NAALADL2: variants seen among roughly 807,000 people sequenced by gnomAD.
NAALADL2 encodes inactive N-acetylated-alpha-linked acidic dipeptidase-like protein 2.
Under a neutral mutation model 87.2 loss-of-function variants are expected in NAALADL2, and 76 were observed. The observed-to-expected ratio is 0.87, with a 90% confidence interval of 0.72 to 1.05. NAALADL2 has a LOEUF of 1.05. NAALADL2 is among the 50% of genes least tolerant of loss of function. NAALADL2 has a pLI of 0.00. For synonymous variants in NAALADL2, 354 were observed against 331.0 expected, an observed-to-expected ratio of 1.07 and a Z score of -0.75; for missense variants, 1,089 against 945.8, an observed-to-expected ratio of 1.15 and a Z score of -1.99.
chr3:174,835,759 A>G (rs938768909), intron 3 of NAALADL2, among the ~76,000 whole-genome samples: 1 of 152,322 alleles, frequency 6.6e-6, no homozygotes, highest in East Asian at 1.9e-4. Flanking sequence ...AAGATACTCA[A>G]CATCCCTAAT....
chr3:175,034,022 G>T lies in NAALADL2; in HGVS notation c.44-62768G>T, dbSNP rs576170977. Among the ~76,000 whole-genome samples the T allele has an allele frequency of 5.3e-5, 8 of 152,224 alleles. No individual in the cohort carries two copies. The East Asian group carries it at 1.5e-3, about 29-fold the overall frequency. On this transcript the variant is annotated intron_variant, in intron 1 of 13. Transcript: ENST00000454872. ...TCTTCTTGTAGTCTTCTCCGTTTCA[G>T]AATATCCACGCTTCTTGATTCTCAA...
At chr3:174,597,486 C>A (rs1162568042) in intron 2 of NAALADL2, among the ~76,000 whole-genome samples, 3 of 152,200 alleles carry the variant, frequency 2.0e-5, no homozygotes, top group South Asian at 2.1e-4. Context: ...AAAGGGCCAA[C>A]CTTGCAAGCA....
intron 5 of NAALADL2, among the ~76,000 whole-genome samples, chr3:175,393,280 C>CAAA (rs775778803): frequency 0.016 from 466 of 29,528 alleles, 149 homozygotes; most frequent in African/African-American, 0.036. Flanking sequence ...GACTCCGTCT[C>CAAA]AAAAAAAAAA....
chr3:174,885,492 T>C (rs982252871), intron 1 of NAALADL2, among the ~76,000 whole-genome samples: 2 of 152,130 alleles, frequency 1.3e-5, no homozygotes, highest in Admixed American at 1.3e-4. Context: ...GTCACTAAAC[T>C]CCTTGCCTCC....
At chr3:174,771,319 G>T (rs1022697815) in intron 3 of NAALADL2, among the ~76,000 whole-genome samples, 1 of 152,128 alleles carries the variant, frequency 6.6e-6, no homozygotes, top group African/African-American at 2.4e-5. Flanking sequence ...GTTAGGTAAG[G>T]CTTCAAGCTA....
At chr3:174,828,579 C>T (rs1023308083) in intron 3 of NAALADL2, among the ~76,000 whole-genome samples, 2 of 152,074 alleles carry the variant, frequency 1.3e-5, no homozygotes, top group Non-Finnish European at 2.9e-5. Context: ...CAAAACAAAA[C>T]AAAAACACGA....
At chr3:175,049,435 C>A (rs1195402946) in intron 1 of NAALADL2, among the ~76,000 whole-genome samples, 1 of 152,080 alleles carries the variant, frequency 6.6e-6, no homozygotes, top group Non-Finnish European at 1.5e-5. Flanking sequence ...AACAGAAAAC[C>A]TGTGTATAGA....
At chr3:174,476,359 A>G (rs898631483) in intron 1 of NAALADL2, among the ~76,000 whole-genome samples, 2 of 151,376 alleles carry the variant, frequency 1.3e-5, no homozygotes, top group African/African-American at 4.8e-5. Flanking sequence ...ATCAGTTATG[A>G]TATGTTCCTG....
At chr3:175,169,008 C>G (rs889598994) in intron 2 of NAALADL2, among the ~76,000 whole-genome samples, 1 of 151,388 alleles carries the variant, frequency 6.6e-6, no homozygotes, top group Non-Finnish European at 1.5e-5. Context: ...TGTGGATCAT[C>G]CAGATTAATT....
chr3:175,353,093 T>A (rs1763953855), intron 5 of NAALADL2, among the ~76,000 whole-genome samples: 1 of 150,670 alleles, frequency 6.6e-6, no homozygotes, highest in Non-Finnish European at 1.5e-5. Context: ...TTTATTCAAA[T>A]ATCCATTTAA....
intron 1 of NAALADL2, among the ~76,000 whole-genome samples, chr3:174,447,185 C>A (rs910323015): frequency 1.3e-5 from 2 of 152,096 alleles, no homozygotes; most frequent in Admixed American, 1.3e-4. Context: ...TGTAATATGT[C>A]ATAGTTTGAA....
chr3:174,454,374 C>T (rs1162207464), intron 1 of NAALADL2, among the ~76,000 whole-genome samples: 2 of 152,114 alleles, frequency 1.3e-5, no homozygotes, highest in African/African-American at 2.4e-5. Flanking sequence ...AAACTCAGCA[C>T]TGGATCAAAT....
intron 9 of NAALADL2, among the ~76,000 whole-genome samples, chr3:175,475,708 G>T (rs1014160176): frequency 2.6e-5 from 4 of 152,058 alleles, no homozygotes; most frequent in African/African-American, 9.7e-5. Context: ...GGGACAGACA[G>T]TGTTTTTTTA....
At chr3:175,247,642 A>C (rs11706137) in intron 3 of NAALADL2, among the ~76,000 whole-genome samples, 27,161 of 152,068 alleles carry the variant, frequency 0.18, 2,959 homozygotes, top group Admixed American at 0.26. Context: ...TAATTTGTAG[A>C]CTCAATGTAA....
At chr3:175,800,737 T>C (rs1202752533) in intron 13 of NAALADL2, among the ~76,000 whole-genome samples, 1 of 152,146 alleles carries the variant, frequency 6.6e-6, no homozygotes, top group Admixed American at 6.6e-5. Flanking sequence ...AAAATTTAAC[T>C]AAGTTAAATC....
chr3:174,606,921 G>A (rs1719142284), intron 2 of NAALADL2, among the ~76,000 whole-genome samples: 1 of 151,670 alleles, frequency 6.6e-6, no homozygotes, highest in Non-Finnish European at 1.5e-5. Context: ...AGCCAGAAAG[G>A]TCGGGTTACC....
chr3:174,449,357 T>C (rs1715301340), intron 1 of NAALADL2, among the ~76,000 whole-genome samples: 1 of 152,134 alleles, frequency 6.6e-6, no homozygotes, highest in African/African-American at 2.4e-5. Flanking sequence ...GCACTAAAAC[T>C]AAAAAACAAA....
In NAALADL2 at chr3:175,318,490, CA is replaced by C. The variant is rs1214141552; in HGVS notation, c.940-5679del. On this transcript the variant is annotated intron_variant, in intron 4 of 13. Coordinates refer to ENST00000454872, the MANE Select transcript of NAALADL2 (RefSeq NM_207015.3). ...CCAGCGAAGTTTTTATTTTTTTCCTCAAAAAACTTTTGTTAGTTTTTATTTA... is the reference window on the plus strand; with the variant it reads ...CCAGCGAAGTTTTTATTTTTTTCCTCAAAAACTTTTGTTAGTTTTTATTTA... 1.2e-4 allele frequency among the ~76,000 whole-genome samples: 18 copies of C among 151,946 alleles called. No individual in the cohort carries two copies. The East Asian group carries it at 3.5e-3, about 29-fold the overall frequency.
chr3:175,047,341 G>A (rs1754807714), intron 1 of NAALADL2, among the ~76,000 whole-genome samples: 1 of 152,112 alleles, frequency 6.6e-6, no homozygotes, highest in South Asian at 2.1e-4. Context: ...ATTTCCCATA[G>A]CAGGGTGGCA....
Sources: gnomAD v4.1 joint callset for allele counts (sites outside exome capture counted in the v4.1 genomes callset) on GRCh38, gnomAD v4.1.1 for gene constraint, MANE v1.5 for transcripts, NCBI Gene and HGNC (gene_info 2026-07-23, HGNC 2026-07-21) for gene names.